Variants in ZDHHC17 observed in about 807,000 individuals in gnomAD.
ZDHHC17 encodes palmitoyltransferase ZDHHC17.
ZDHHC17 carries 40 observed loss-of-function variants against 90.3 expected under a neutral mutation model. That is an observed-to-expected ratio of 0.44 (90% CI 0.34 to 0.58). ZDHHC17 has a LOEUF of 0.58. Ranked by LOEUF, ZDHHC17 falls within the 20% of genes least tolerant of loss-of-function variation. ZDHHC17 has a pLI of 0.01. For missense variants in ZDHHC17, 614 were observed against 780.8 expected, an observed-to-expected ratio of 0.79 and a Z score of 2.55; for synonymous variants, 235 against 252.4, an observed-to-expected ratio of 0.93 and a Z score of 0.65.
rs1361149208 is a variant in ZDHHC17, at chr12:76,797,493, T to A, written c.153T>A (p.Thr51=). 1 of 1,611,574 alleles carries A rather than the reference T, an allele frequency of 6.2e-7. No individual in the cohort carries two copies. The highest frequency in any genetic ancestry group is 8.5e-7 in the Non-Finnish European group (1 of 1,178,790). Residue 51 remains threonine (T), a synonymous_variant, in exon 2 of 17, where the codon ACT becomes ACA. Transcript: ENST00000426126. ...ATGGTGAACCTCTTGGACGGAAAAC[T>A]CATATTGATGATTACAGCACATGGG... is the stretch of plus-strand genomic sequence containing the variant. ...HGYGEPLGRK[T]HIDDYSTWDI...
chr12:76,788,290 A>G (rs956366779), intron 1 of ZDHHC17, among the ~76,000 whole-genome samples: 9 of 152,228 alleles, frequency 5.9e-5, no homozygotes, highest in African/African-American at 2.2e-4. Flanking sequence ...TTAAGATCAC[A>G]TGGTCAATCA....
At position 76,846,607 on chromosome 12, in the gene ZDHHC17, C is replaced by G; in HGVS notation, c.1435C>G (p.His479Asp). The change falls in exon 14 of 17, where the codon CAT becomes GAT. Residue 479 changes from histidine (H) to aspartate (D), a missense_variant. By Grantham distance (81) the His-to-Asp change is moderately conservative (BLOSUM62 -1). Coordinates refer to ENST00000426126, the MANE Select transcript of ZDHHC17 (RefSeq NM_015336.4). Reference sequence around the variant, plus strand: ...GTGTCGTTCTTCAGGTGCAGGCAACCATAGATATTTTATGGGCTACCTATT... The same window carrying G: ...GTGTCGTTCTTCAGGTGCAGGCAACGATAGATATTTTATGGGCTACCTATT... ...WVGNCVGAGNHRYFMGYLFFL... is the reference protein window; with the variant it reads ...WVGNCVGAGNDRYFMGYLFFL... The G allele has an allele frequency of 6.2e-7, 1 of 1,611,940 alleles. No homozygotes were observed. Among genetic ancestry groups the G allele is most frequent in the Non-Finnish European group, 8.5e-7 (1 of 1,178,824 alleles).
chr12:76,850,627 A>G (rs1167040534), intron 16 of ZDHHC17, among the ~76,000 whole-genome samples: 2 of 152,222 alleles, frequency 1.3e-5, no homozygotes, highest in African/African-American at 4.8e-5. Context: ...ATAATTGTGT[A>G]AGTCTTTAAA....
At chr12:76,783,426 C>T (rs1215517719) in intron 1 of ZDHHC17, among the ~76,000 whole-genome samples, 1 of 152,136 alleles carries the variant, frequency 6.6e-6, no homozygotes, top group Non-Finnish European at 1.5e-5. Context: ...AACTATCAAA[C>T]GCTTATGAAA....
At chr12:76,820,272 C>T (rs1425424900) in intron 7 of ZDHHC17, among the ~76,000 whole-genome samples, 2 of 152,056 alleles carry the variant, frequency 1.3e-5, no homozygotes, top group Admixed American at 1.3e-4. Context: ...ATAATAGCTA[C>T]ATGAAATAGC....
intron 1 of ZDHHC17, among the ~76,000 whole-genome samples, chr12:76,794,989 C>T (rs1247632148): frequency 6.6e-6 from 1 of 152,034 alleles, no homozygotes; most frequent in Admixed American, 6.6e-5. Flanking sequence ...TTATGTTGCC[C>T]TCATCTGTGT....
chr12:76,824,774 T>C (rs1044437964), intron 8 of ZDHHC17, among the ~76,000 whole-genome samples: 4 of 151,608 alleles, frequency 2.6e-5, no homozygotes, highest in African/African-American at 9.7e-5. Flanking sequence ...GCCCGGAAGG[T>C]TGAGGCTGCA....
At position 76,822,285 on chromosome 12, in the gene ZDHHC17, A is replaced by G. The variant is rs1308198329; in HGVS notation, c.772-121A>G. The G allele has an allele frequency of 2.3e-6, 3 of 1,286,758 alleles. No homozygotes were observed. In the African/African-American group the frequency reaches 4.5e-5, roughly 19 times the overall value. The allele number at this position is 1,286,758 out of a possible 1,614,324, so 79.7% of individuals were successfully genotyped here. ...ATGATGCAGGTGTTTTTAGTAATTT[A>G]CACAATGTCAAAACAACGTTAATAG... On this transcript the variant is annotated intron_variant, in intron 7 of 16. Transcript: ENST00000426126.
chr12:76,832,339 A>G (rs1415620508), intron 10 of ZDHHC17, among the ~76,000 whole-genome samples: 1 of 152,230 alleles, frequency 6.6e-6, no homozygotes, highest in Non-Finnish European at 1.5e-5. Context: ...TTCTTGTGCA[A>G]CTCATGGCTA....
intron 6 of ZDHHC17, 38 bp from the exon 7 acceptor site, chr12:76,815,819 T>G (rs758067724): frequency 5.5e-6 from 8 of 1,443,254 alleles, no homozygotes; most frequent in African/African-American, 1.5e-5. Flanking sequence ...AAATTAGGGT[T>G]GTTGTTGTTG....
At position 76,853,494 on chromosome 12, in the gene ZDHHC17, A is replaced by G. The variant is rs930261305; in HGVS notation, c.*2509A>G. ...AATTTATTTGATATTAATGGGCGTA[A>G]AACAGCATCATTGTACTTAAGCTAT... On this transcript the variant is annotated 3_prime_UTR_variant, in exon 17 of 17. Transcript: ENST00000426126. The G allele has an allele frequency of 1.3e-5, 2 of 152,498 alleles. No individual in the cohort carries two copies. Among genetic ancestry groups the G allele is most frequent in the Non-Finnish European group, 2.9e-5 (2 of 67,952 alleles). The allele number at this position is 152,498 out of a possible 1,614,324, so 9.4% of individuals were successfully genotyped here. A position where few individuals can be genotyped will look rare whatever the true frequency, so the allele number is the denominator to read the frequency against.
At chr12:76,817,226 C>T (rs907957003) in intron 7 of ZDHHC17, among the ~76,000 whole-genome samples, 44 of 152,178 alleles carry the variant, frequency 2.9e-4, no homozygotes, top group African/African-American at 9.4e-4. Flanking sequence ...AGTAAATTGG[C>T]TGATCCCAGG....
intron 1 of ZDHHC17, among the ~76,000 whole-genome samples, chr12:76,781,303 G>T (rs925053207): frequency 6.6e-6 from 1 of 152,180 alleles, no homozygotes; most frequent in African/African-American, 2.4e-5. Flanking sequence ...TTACAGATGA[G>T]ACCCATATAA....
intron 1 of ZDHHC17, chr12:76,769,098 GC>G: frequency 2.3e-6 from 1 of 425,820 alleles, no homozygotes; most frequent in Non-Finnish European, 4.7e-6. Context: ...CGCTCTTGTT[GC>G]CCAGGCTGAA....
At chr12:76,841,792 T>A (rs1165381246) in intron 10 of ZDHHC17, among the ~76,000 whole-genome samples, 190 bp from the exon 11 acceptor site, 2 of 152,146 alleles carry the variant, frequency 1.3e-5, no homozygotes, top group Non-Finnish European at 2.9e-5. Flanking sequence ...TTTTAAAGTG[T>A]CAGATAAGTC....
chr12:76,830,993 T>G (rs1415768090), intron 10 of ZDHHC17, among the ~76,000 whole-genome samples: 4 of 152,184 alleles, frequency 2.6e-5, no homozygotes, highest in African/African-American at 9.7e-5. Context: ...AACAATCAAG[T>G]CTATTTAGCT....
intron 5 of ZDHHC17, among the ~76,000 whole-genome samples, chr12:76,811,724 C>T (rs1259775774): frequency 2.1e-5 from 2 of 95,294 alleles, no homozygotes; most frequent in Non-Finnish European, 4.7e-5. Context: ...CTCACCTCTC[C>T]CCTTGGCCAT....
chr12:76,799,512 C>T (rs566858052), intron 2 of ZDHHC17, among the ~76,000 whole-genome samples: 10 of 152,246 alleles, frequency 6.6e-5, no homozygotes, highest in African/African-American at 2.2e-4. Flanking sequence ...TACCTGGGCT[C>T]CAGGAAGAGC....
chr12:76,793,663 CTTGTTAGGTG>C (rs1952786458), intron 1 of ZDHHC17, among the ~76,000 whole-genome samples: 1 of 152,206 alleles, frequency 6.6e-6, no homozygotes, highest in Non-Finnish European at 1.5e-5. Flanking sequence ...AGTTAATTGA[CTTGTTAGGTG>C]TACCCTAGGT....
Sources: gnomAD v4.1 joint callset for allele counts (sites outside exome capture counted in the v4.1 genomes callset) on GRCh38, gnomAD v4.1.1 for gene constraint, MANE v1.5 for transcripts, NCBI Gene and HGNC (gene_info 2026-07-23, HGNC 2026-07-21) for gene names.